NPFFR2: variants seen among roughly 807,000 people sequenced by gnomAD.
The protein encoded by NPFFR2 is G-protein coupled receptor 74.
Under a neutral mutation model 13.1 loss-of-function variants are expected in NPFFR2, and 15 were observed. The ratio of observed to expected loss-of-function variants is 1.15; its 90% confidence interval spans 0.77 to 1.76. NPFFR2 has a LOEUF of 1.76. NPFFR2 is among the 40% of genes most tolerant of loss of function. The pLI, the probability that NPFFR2 is intolerant of heterozygous loss-of-function variation, is 0.00. For synonymous variants in NPFFR2, 190 were observed against 175.7 expected (o/e 1.08, Z -0.65); for missense variants, 572 against 503.5 (o/e 1.14, Z -1.30).
chr4:72,127,464 C>T (rs1385422591), intron 1 of NPFFR2, among the ~76,000 whole-genome samples: 7 of 136,848 alleles, frequency 5.1e-5, no homozygotes, highest in African/African-American at 1.4e-4. Flanking sequence ...CCCGGGTTCA[C>T]GCCATTCTCC....
chr4:72,090,593 T>A (rs1720892301), intron 1 of NPFFR2, among the ~76,000 whole-genome samples: 1 of 152,110 alleles, frequency 6.6e-6, no homozygotes, highest in Non-Finnish European at 1.5e-5. Context: ...GCAGCAATTG[T>A]AAAAGTGATT....
chr4:72,107,742 T>G (rs146115504), intron 1 of NPFFR2, among the ~76,000 whole-genome samples: 1 of 152,124 alleles, frequency 6.6e-6, no homozygotes, highest in East Asian at 1.9e-4. Flanking sequence ...TTTTCCTAAG[T>G]GAAACAGTTC....
At chr4:72,083,920 G>A (rs58126473) in intron 1 of NPFFR2, among the ~76,000 whole-genome samples, 3,966 of 151,014 alleles carry the variant, frequency 0.026, 143 homozygotes, top group African/African-American at 0.079. Flanking sequence ...AAGCTAGAGC[G>A]TGTTTGCTTG....
At chr4:72,057,300 A>G (rs1719780631) in intron 1 of NPFFR2, among the ~76,000 whole-genome samples, 1 of 151,996 alleles carries the variant, frequency 6.6e-6, no homozygotes, top group Admixed American at 6.6e-5. Context: ...ACGTATCATC[A>G]TAAATGTGGT....
chr4:72,122,577 T>C lies in NPFFR2; in HGVS notation c.-7-6008T>C, dbSNP rs577564321. 1.1e-4 allele frequency among the ~76,000 whole-genome samples: 17 copies of C among 152,282 alleles called. No homozygotes were observed. In the South Asian group the frequency reaches 1.5e-3, roughly 13 times the overall value. On this transcript the variant is annotated intron_variant, in intron 1 of 3. Transcript: ENST00000308744. ...CTCTCAGACCACAGTGCAGTCAAAT[T>C]AGAACTCAGGATTAAGAAACTCACT...
intron 1 of NPFFR2, chr4:72,068,946 T>C: frequency 7.0e-7 from 1 of 1,419,034 alleles, no homozygotes; most frequent in East Asian, 2.8e-5. Flanking sequence ...ATGTTAATTA[T>C]AGCTTTTGAC....
chr4:72,063,668 C>T (rs7693707), intron 1 of NPFFR2, among the ~76,000 whole-genome samples: 136,901 of 152,158 alleles, frequency 0.9, 62,632 homozygotes, highest in Non-Finnish European at 0.99. Flanking sequence ...GTGGTTATTT[C>T]CAGTCAGCCC....
intron 1 of NPFFR2, among the ~76,000 whole-genome samples, chr4:72,110,656 A>G (rs1721538703): frequency 6.6e-6 from 1 of 151,976 alleles, no homozygotes; most frequent in Non-Finnish European, 1.5e-5. Context: ...TGTCTTTTAA[A>G]TGGTTTATTA....
chr4:72,128,680 T>A lies in NPFFR2; in HGVS notation c.89T>A (p.Ile30Asn), dbSNP rs754399081. ...ACAAAGCATCATCTGTACTCAGATA[T>A]TAATATTACCTATGTGAACTACTAT... ...NDTKHHLYSD[I>N]NITYVNYYLH... Residue 30 changes from isoleucine to asparagine, a missense_variant, in exon 2 of 4, where the codon ATT becomes AAT. Transcript: ENST00000308744. 1.2e-6 allele frequency: 2 copies of A among 1,613,572 alleles called. No individual in the cohort carries two copies. The highest frequency in any genetic ancestry group is 1.3e-5 in the African/African-American group (1 of 75,064).
At chr4:72,101,149 T>G (rs1391137056) in intron 1 of NPFFR2, among the ~76,000 whole-genome samples, 1 of 152,094 alleles carries the variant, frequency 6.6e-6, no homozygotes, top group Non-Finnish European at 1.5e-5. Flanking sequence ...ATAAATACGT[T>G]TGCCAAAATC....
chr4:72,071,532 A>G (rs1720256388), intron 1 of NPFFR2, among the ~76,000 whole-genome samples: 1 of 152,146 alleles, frequency 6.6e-6, no homozygotes, highest in African/African-American at 2.4e-5. Flanking sequence ...TCTACAGTGT[A>G]TTGAAGGCTT....
At chr4:72,080,490 A>G (rs1347512523) in intron 1 of NPFFR2, among the ~76,000 whole-genome samples, 2 of 152,114 alleles carry the variant, frequency 1.3e-5, no homozygotes, top group African/African-American at 4.8e-5. Context: ...GAGAAGTGAA[A>G]CAAACATTAT....
At chr4:72,063,714 G>T (rs1414908449) in intron 1 of NPFFR2, among the ~76,000 whole-genome samples, 1 of 152,130 alleles carries the variant, frequency 6.6e-6, no homozygotes. Flanking sequence ...TTTCCAGCTG[G>T]GGCATATGGC....
At chr4:72,086,989 T>G (rs1720790759) in intron 1 of NPFFR2, among the ~76,000 whole-genome samples, 1 of 152,098 alleles carries the variant, frequency 6.6e-6, no homozygotes, top group South Asian at 2.1e-4. Context: ...GCATAAACAT[T>G]CTGACAGAGA....
At position 72,147,945 on chromosome 4, in the gene NPFFR2, A is replaced by C. The variant is rs1722843021; in HGVS notation, c.*133A>C. 1.5e-6 allele frequency: 1 copy of C among 648,148 alleles called. No individual in the cohort carries two copies. Among genetic ancestry groups the C allele is most frequent in the South Asian group, 2.7e-5 (1 of 37,696 alleles). The allele number at this position is 648,148 out of a possible 1,614,324, so 40.1% of individuals were successfully genotyped here. A position where few individuals can be genotyped will look rare whatever the true frequency, so the allele number is the denominator to read the frequency against. On this transcript the variant is annotated 3_prime_UTR_variant, in exon 4 of 4. Transcript: ENST00000308744. Reference sequence around the variant, plus strand: ...ATTTACTGAAAGCCCTCTCTGGCAAAAAAATTAAAAATAAACAAAAATGGT... The same window carrying C: ...ATTTACTGAAAGCCCTCTCTGGCAACAAAATTAAAAATAAACAAAAATGGT...
At chr4:72,052,705 T>C (rs1282390692) in intron 1 of NPFFR2, among the ~76,000 whole-genome samples, 8 of 152,020 alleles carry the variant, frequency 5.3e-5, no homozygotes, top group Admixed American at 5.2e-4. Flanking sequence ...CCTTTCCAGG[T>C]CTTTTCCCTG....
intron 1 of NPFFR2, among the ~76,000 whole-genome samples, chr4:72,087,829 A>AT (rs570644224): frequency 2.0e-5 from 3 of 152,004 alleles, no homozygotes; most frequent in South Asian, 2.1e-4. Flanking sequence ...TGAAGAAAAC[A>AT]TTTTTTTCAT....
chr4:72,067,201 G>T (rs1720099656), intron 1 of NPFFR2, among the ~76,000 whole-genome samples: 1 of 152,184 alleles, frequency 6.6e-6, no homozygotes, highest in Non-Finnish European at 1.5e-5. Flanking sequence ...GTGGCTTACA[G>T]ATCATGCCTT....
At chr4:72,135,783 T>G (rs1485802213) in intron 2 of NPFFR2, among the ~76,000 whole-genome samples, 1 of 151,692 alleles carries the variant, frequency 6.6e-6, no homozygotes, top group Non-Finnish European at 1.5e-5. Flanking sequence ...TGTTAACTGC[T>G]TATTTTTCAT....
Sources: allele counts gnomAD v4.1 joint callset (sites outside exome capture counted in the v4.1 genomes callset), GRCh38; gene constraint gnomAD v4.1.1; transcripts MANE v1.5; gene names NCBI Gene and HGNC (gene_info 2026-07-23, HGNC 2026-07-21).